BANK1: variants seen among roughly 807,000 people sequenced by gnomAD.
BANK1 encodes B-cell scaffold protein with ankyrin repeats.
In BANK1, 95 loss-of-function variants were observed where a neutral mutation model predicts 94.5. The observed-to-expected ratio is 1.00, with a 90% CI of 0.85 to 1.19. The LOEUF is 1.19. Among genes scored for constraint, BANK1 ranks in the 50% most tolerant of loss-of-function variants. The pLI, the probability that BANK1 is intolerant of heterozygous loss-of-function variation, is 0.00. For synonymous variants in BANK1, 334 were observed against 308.4 expected (o/e 1.08, Z -0.87); for missense variants, 987 against 932.2 (o/e 1.06, Z -0.77).
chr4:102,013,806 A>G (rs1726600679), intron 7 of BANK1, among the ~76,000 whole-genome samples: 1 of 152,074 alleles, frequency 6.6e-6, no homozygotes, highest in Admixed American at 6.6e-5. Context: ...AAATTTTCAC[A>G]TAAACACAAT....
At chr4:101,881,751 T>C (rs1728683357) in intron 5 of BANK1, among the ~76,000 whole-genome samples, 1 of 152,114 alleles carries the variant, frequency 6.6e-6, no homozygotes, top group African/African-American at 2.4e-5. Context: ...TAGAATGAGA[T>C]CCTCTCATTT....
At chr4:101,852,018 A>G (rs987895003) in intron 2 of BANK1, among the ~76,000 whole-genome samples, 5 of 151,942 alleles carry the variant, frequency 3.3e-5, no homozygotes, top group African/African-American at 9.7e-5. Context: ...TGGAAAACGA[A>G]TTTTCTATTT....
chr4:101,845,776 A>C (rs1311361929), intron 2 of BANK1, among the ~76,000 whole-genome samples: 4 of 152,248 alleles, frequency 2.6e-5, no homozygotes, highest in Admixed American at 1.3e-4. Flanking sequence ...CATCAATGCA[A>C]TGTCAAATAA....
At chr4:101,881,364 C>G (rs116234898) in intron 5 of BANK1, among the ~76,000 whole-genome samples, 3,126 of 152,148 alleles carry the variant, frequency 0.021, 117 homozygotes, top group African/African-American at 0.072. Flanking sequence ...AAGTGCAAAT[C>G]AAAACTACCA....
chr4:101,987,989 C>A (rs1725572998), intron 7 of BANK1, among the ~76,000 whole-genome samples: 1 of 152,110 alleles, frequency 6.6e-6, no homozygotes, highest in South Asian at 2.1e-4. Context: ...TGAGCTAAAG[C>A]CTGAGTCCCA....
At chr4:101,827,616 C>A (rs909181964) in intron 1 of BANK1, among the ~76,000 whole-genome samples, 3 of 151,934 alleles carry the variant, frequency 2.0e-5, no homozygotes, top group Non-Finnish European at 2.9e-5. Flanking sequence ...GTGTATTCAA[C>A]TCACCCTATT....
At chr4:101,806,934 C>CT (rs1203463650) in intron 1 of BANK1, among the ~76,000 whole-genome samples, 1 of 152,164 alleles carries the variant, frequency 6.6e-6, no homozygotes, top group Non-Finnish European at 1.5e-5. Context: ...TTCATTTTAT[C>CT]TTTACCCTAA....
chr4:101,898,428 G>A (rs1722164424), intron 6 of BANK1, among the ~76,000 whole-genome samples: 1 of 151,982 alleles, frequency 6.6e-6, no homozygotes, highest in African/African-American at 2.4e-5. Flanking sequence ...TGAATCAGGT[G>A]TTACCCCAGG....
chr4:101,983,258 A>T (rs925364693), intron 7 of BANK1, among the ~76,000 whole-genome samples: 1 of 152,108 alleles, frequency 6.6e-6, no homozygotes, highest in African/African-American at 2.4e-5. Flanking sequence ...CAGCACTGAC[A>T]TTTAGCCATA....
chr4:101,830,993 T>C (rs1008806770), intron 2 of BANK1, among the ~76,000 whole-genome samples: 2 of 152,214 alleles, frequency 1.3e-5, no homozygotes, highest in African/African-American at 4.8e-5. Context: ...AGTTTCTTAA[T>C]AAGTCAAATA....
intron 1 of BANK1, among the ~76,000 whole-genome samples, chr4:101,820,983 G>T (rs188111951): frequency 1.3e-3 from 201 of 151,838 alleles, no homozygotes; most frequent in African/African-American, 4.5e-3. Flanking sequence ...CTCTGGGTGG[G>T]TCGAATGCCA....
intron 1 of BANK1, among the ~76,000 whole-genome samples, chr4:101,793,845 T>C (rs1725069527): frequency 3.9e-5 from 6 of 152,200 alleles, no homozygotes; most frequent in Admixed American, 6.5e-5. Context: ...CTAGTTGTTA[T>C]ATTAATTCTT....
chr4:102,060,121 G>A, intron 11 of BANK1, 90 bp from the exon 12 acceptor site: 2 of 1,169,392 alleles, frequency 1.7e-6, no homozygotes, highest in Non-Finnish European at 2.3e-6. Flanking sequence ...TTAAGAAGAA[G>A]CTACTCCAAT....
chr4:101,927,931 G>T (rs1723217412), intron 7 of BANK1, among the ~76,000 whole-genome samples: 1 of 151,556 alleles, frequency 6.6e-6, no homozygotes, highest in African/African-American at 2.4e-5. Context: ...CTATTGACCT[G>T]GATGCCAAGT....
At chr4:101,975,105 A>G (rs2148924796) in intron 7 of BANK1, among the ~76,000 whole-genome samples, 1 of 152,312 alleles carries the variant, frequency 6.6e-6, no homozygotes, top group South Asian at 2.1e-4. Context: ...AGCCATTTTC[A>G]GAGATGTCAG....
chr4:101,955,454 C>T (rs1047835127), intron 7 of BANK1, among the ~76,000 whole-genome samples: 1 of 152,040 alleles, frequency 6.6e-6, no homozygotes, highest in African/African-American at 2.4e-5. Context: ...AATACTGCCA[C>T]ATAGTTAGAG....
chr4:101,991,363 C>T (rs1019840745), intron 7 of BANK1, among the ~76,000 whole-genome samples: 1 of 152,226 alleles, frequency 6.6e-6, no homozygotes, highest in African/African-American at 2.4e-5. Flanking sequence ...AAGATAAATA[C>T]TACTAGCAGG....
intron 7 of BANK1, among the ~76,000 whole-genome samples, chr4:101,974,173 T>G (rs1725048729): frequency 6.6e-6 from 1 of 152,154 alleles, no homozygotes. Flanking sequence ...TTCCATGTAA[T>G]AATCTTGTTT....
At chr4:101,964,269 C>T (rs1312035274) in intron 7 of BANK1, among the ~76,000 whole-genome samples, 2 of 152,006 alleles carry the variant, frequency 1.3e-5, no homozygotes, top group South Asian at 2.1e-4. Flanking sequence ...ATGGGGTCAA[C>T]AGAACATGGG....
Sources: gnomAD v4.1 joint callset for allele counts (sites outside exome capture counted in the v4.1 genomes callset) on GRCh38, gnomAD v4.1.1 for gene constraint, MANE v1.5 for transcripts, NCBI Gene and HGNC (gene_info 2026-07-23, HGNC 2026-07-21) for gene names.